Variants in TACC1 observed in about 807,000 individuals in gnomAD.
TACC1 encodes the protein transforming acidic coiled-coil-containing protein 1.
In TACC1, 48 loss-of-function variants were observed where a neutral mutation model predicts 84.4. That is an observed-to-expected ratio of 0.57 (90% CI 0.45 to 0.72). The LOEUF (loss-of-function observed/expected upper bound fraction) is 0.72. Ranked by LOEUF, TACC1 falls within the 30% of genes least tolerant of loss-of-function variation. The pLI, the probability that TACC1 is intolerant of heterozygous loss-of-function variation, is 0.00. For synonymous variants in TACC1, 372 were observed against 376.3 expected (o/e 0.99, Z 0.13); for missense variants, 920 against 973.0 (o/e 0.95, Z 0.72).
Position 38,838,566 on chromosome 8 carries a change from G to C in TACC1, c.1916+20G>C. The C allele has an allele frequency of 3.8e-6, 6 of 1,592,014 alleles. No individual in the cohort carries two copies. Among genetic ancestry groups the C allele is most frequent in the Non-Finnish European group, 5.2e-6 (6 of 1,160,086 alleles). On this transcript the variant is annotated intron_variant, in intron 8 of 12. Coordinates refer to ENST00000317827, the MANE Select transcript of TACC1 (RefSeq NM_006283.3). Reference sequence around the variant, plus strand: ...GATGAGGTTAGACTGGAGGTTTTGGGGAGGGGCTGGATACTTTTATGCACT... The same window carrying C: ...GATGAGGTTAGACTGGAGGTTTTGGCGAGGGGCTGGATACTTTTATGCACT...
chr8:38,781,260 C>T (rs1447228062), intron 3 of TACC1, among the ~76,000 whole-genome samples: 2 of 152,036 alleles, frequency 1.3e-5, no homozygotes, highest in Admixed American at 6.6e-5. Flanking sequence ...GATCTCAAAA[C>T]ATTTGGGCTA....
chr8:38,759,993 C>T (rs1307422600), intron 3 of TACC1, among the ~76,000 whole-genome samples: 1 of 151,966 alleles, frequency 6.6e-6, no homozygotes, highest in Non-Finnish European at 1.5e-5. Context: ...GGAAGTTCTC[C>T]TACTGAGGCT....
At chr8:38,755,902 C>T (rs565792422) in intron 3 of TACC1, among the ~76,000 whole-genome samples, 19 of 151,984 alleles carry the variant, frequency 1.3e-4, no homozygotes, top group Non-Finnish European at 2.5e-4. Context: ...GCAACCTCCA[C>T]TTCCTGGGTT....
chr8:38,741,835 T>C (rs1415455043), intron 1 of TACC1, among the ~76,000 whole-genome samples: 1 of 152,110 alleles, frequency 6.6e-6, no homozygotes, highest in Non-Finnish European at 1.5e-5. Context: ...GAATTATAGG[T>C]AGACTCTATC....
chr8:38,787,230 A>T, upstream of TACC1: 7 of 1,003,834 alleles, frequency 7.0e-6, no homozygotes, highest in Non-Finnish European at 8.3e-6. Flanking sequence ...GCCGGCCGGG[A>T]GGCGGGAGTC....
intron 3 of TACC1, among the ~76,000 whole-genome samples, chr8:38,762,934 T>TA (rs1811509176): frequency 6.6e-6 from 1 of 152,166 alleles, no homozygotes; most frequent in African/African-American, 2.4e-5. Flanking sequence ...CTTTGGAGTA[T>TA]AAACCTAGGA....
At chr8:38,799,551 A>G (rs1162506344) in intron 2 of TACC1, 1 of 152,216 alleles carries the variant, frequency 6.6e-6, no homozygotes, top group Admixed American at 6.5e-5. Flanking sequence ...ATTCCCCCGC[A>G]AATCTGGAGG....
chr8:38,741,700 G>A (rs7844381), intron 1 of TACC1, among the ~76,000 whole-genome samples: 27,535 of 151,948 alleles, frequency 0.18, 2,616 homozygotes, highest in Non-Finnish European at 0.2. Flanking sequence ...CTGTGGGGTT[G>A]GAATCCATGT....
rs1406548819 is a variant in TACC1, at chr8:38,764,213, G to A, written c.26+18720G>A. Among the ~76,000 whole-genome samples, 8 of 151,952 alleles carry A rather than the reference G, an allele frequency of 5.3e-5. No homozygotes were observed. The East Asian group carries it at 1.5e-3, about 29-fold the overall frequency. ...CTGCCTCAGCCTCCTGAGTAGCTGG[G>A]ATTACAGGCGCCCACCACCATGCCC... On this transcript the variant is annotated intron_variant, in intron 3 of 14. Coordinates refer to the TACC1 transcript ENST00000518415.
At chr8:38,768,005 C>T (rs1411921043) in intron 3 of TACC1, among the ~76,000 whole-genome samples, 1 of 151,094 alleles carries the variant, frequency 6.6e-6, no homozygotes, top group Non-Finnish European at 1.5e-5. Flanking sequence ...GAACTCGAGG[C>T]TGCAGTGAGA....
intron 1 of TACC1, 150 bp downstream of exon 1, chr8:38,787,893 C>T (rs1268198989): frequency 3.9e-6 from 3 of 765,210 alleles, no homozygotes; most frequent in Non-Finnish European, 5.8e-6. Flanking sequence ...CCGTGTGCGT[C>T]CGAAAGTTCA....
At chr8:38,799,262 C>T (rs182627865) in intron 2 of TACC1, among the ~76,000 whole-genome samples, 6 of 152,310 alleles carry the variant, frequency 3.9e-5, no homozygotes, top group South Asian at 2.1e-4. Flanking sequence ...AGCTGAGCTG[C>T]GGCATCACTG....
intron 3 of TACC1, among the ~76,000 whole-genome samples, chr8:38,771,773 T>C (rs1813663726): frequency 6.6e-6 from 1 of 152,176 alleles, no homozygotes; most frequent in Non-Finnish European, 1.5e-5. Context: ...CCTTGCTCTG[T>C]TGCATGGGCT....
At chr8:38,792,751 C>G (rs1819019423) in intron 2 of TACC1, among the ~76,000 whole-genome samples, 1 of 152,060 alleles carries the variant, frequency 6.6e-6, no homozygotes, top group South Asian at 2.1e-4. Context: ...AGGCGTGAGC[C>G]ACCACGCCTG....
rs1586948625 is a variant in TACC1 at position 38,729,047 on chromosome 8, C to T, written c.-675+376C>T. 2.0e-5 allele frequency among the ~76,000 whole-genome samples: 3 copies of T among 151,514 alleles called. No individual in the cohort carries two copies. The South Asian group carries it at 6.3e-4, about 32-fold the overall frequency. ...CTTTTTTCTTTCCGCCCCTGAAATGCCCAGGAGCAGTCATAAATACCTTCA... is the reference window on the plus strand; with the variant it reads ...CTTTTTTCTTTCCGCCCCTGAAATGTCCAGGAGCAGTCATAAATACCTTCA... On this transcript the variant is annotated intron_variant, in intron 1 of 14. Coordinates refer to the TACC1 transcript ENST00000518415.
At chr8:38,744,650 A>G (rs937201145) in intron 2 of TACC1, among the ~76,000 whole-genome samples, 4 of 152,156 alleles carry the variant, frequency 2.6e-5, no homozygotes, top group African/African-American at 9.7e-5. Context: ...CAACCACATG[A>G]TGATGCCCCC....
intron 3 of TACC1, chr8:38,745,523 T>A: frequency 1.5e-6 from 1 of 684,374 alleles, no homozygotes; most frequent in Non-Finnish European, 2.6e-6. Flanking sequence ...TTTTCTTGTT[T>A]TTTTTCTGTT....
At chr8:38,806,392 A>G (rs1298439574) in intron 2 of TACC1, among the ~76,000 whole-genome samples, 2 of 152,110 alleles carry the variant, frequency 1.3e-5, no homozygotes, top group Admixed American at 6.5e-5. Flanking sequence ...ATGAACGAAG[A>G]TAGCTCTAGA....
chr8:38,792,623 G>C (rs1305705095), intron 2 of TACC1, among the ~76,000 whole-genome samples: 1 of 152,050 alleles, frequency 6.6e-6, no homozygotes, highest in South Asian at 2.1e-4. Flanking sequence ...CCACCACTAC[G>C]CCCAGCTAAT....
Sources: gnomAD v4.1 joint callset for allele counts (sites outside exome capture counted in the v4.1 genomes callset) on GRCh38, gnomAD v4.1.1 for gene constraint, MANE v1.5 for transcripts, NCBI Gene and HGNC (gene_info 2026-07-23, HGNC 2026-07-21) for gene names.